The following USH2A variants were observed in gnomAD, a reference collection of about 807,000 sequenced individuals.
USH2A encodes usherin.
In USH2A, 443 loss-of-function variants were observed where a neutral mutation model predicts 538.9. The observed-to-expected ratio is 0.82, with a 90% CI of 0.76 to 0.89. USH2A has a LOEUF of 0.89. Among genes scored for constraint, USH2A ranks in the 40% least tolerant of loss-of-function variants. The pLI, the probability that USH2A is intolerant of heterozygous loss-of-function variation, is 0.00. For synonymous variants in USH2A, 2,413 were observed against 2,273.5 expected (o/e 1.06, Z -1.75); for missense variants, 6,633 against 6,324.8 (o/e 1.05, Z -1.65).
intron 61 of USH2A, among the ~76,000 whole-genome samples, chr1:215,702,923 C>T (rs183942291): frequency 1.2e-4 from 18 of 152,162 alleles, no homozygotes; most frequent in Non-Finnish European, 2.4e-4. Flanking sequence ...CCTTTTTGCG[C>T]TGGTTTACTC....
At chr1:216,303,962 A>C (rs1009504562) in intron 9 of USH2A, among the ~76,000 whole-genome samples, 15 of 152,100 alleles carry the variant, frequency 9.9e-5, no homozygotes, top group African/African-American at 3.6e-4. Flanking sequence ...TTCCATTGTG[A>C]ATAGAGTCAC....
chr1:216,331,615 T>C (rs1293475994), intron 4 of USH2A, among the ~76,000 whole-genome samples: 1 of 152,172 alleles, frequency 6.6e-6, no homozygotes, highest in Admixed American at 6.5e-5. Context: ...TCCATGACTG[T>C]ACATAAAAGC....
At chr1:215,871,727 A>G (rs1664627338) in intron 43 of USH2A, among the ~76,000 whole-genome samples, 1 of 152,170 alleles carries the variant, frequency 6.6e-6, no homozygotes, top group African/African-American at 2.4e-5. Flanking sequence ...GAGAACATCT[A>G]ATTTATTCAT....
intron 11 of USH2A, among the ~76,000 whole-genome samples, chr1:216,256,249 T>C (rs1558347229): frequency 6.6e-6 from 1 of 151,854 alleles, no homozygotes; most frequent in Non-Finnish European, 1.5e-5. Context: ...GCATTATTAT[T>C]GATATGATTA....
chr1:215,895,517 T>C (rs1454516008), intron 40 of USH2A, among the ~76,000 whole-genome samples: 2 of 152,188 alleles, frequency 1.3e-5, no homozygotes, highest in Non-Finnish European at 1.5e-5. Context: ...TAGATTTCAA[T>C]TGACCTCACA....
At chr1:215,790,985 G>C (rs1661964950) in intron 50 of USH2A, among the ~76,000 whole-genome samples, 1 of 152,170 alleles carries the variant, frequency 6.6e-6, no homozygotes, top group Admixed American at 6.6e-5. Flanking sequence ...GCCGCAGAAA[G>C]ACCTTGTAGA....
chr1:216,007,702 G>A (rs1230763974), intron 32 of USH2A, among the ~76,000 whole-genome samples: 2 of 152,228 alleles, frequency 1.3e-5, no homozygotes, highest in Non-Finnish European at 2.9e-5. Flanking sequence ...GAATGTGGAA[G>A]GGTTGTCTCA....
At chr1:215,900,307 G>C in intron 39 of USH2A, 90 bp from the exon 40 acceptor site, 4 of 1,347,742 alleles carry the variant, frequency 3.0e-6, no homozygotes, top group Non-Finnish European at 4.2e-6. Flanking sequence ...AATTTTAGAG[G>C]ATGTCAACAT....
At chr1:215,692,982 C>A (rs78404718) in intron 61 of USH2A, among the ~76,000 whole-genome samples, 4,488 of 151,438 alleles carry the variant, frequency 0.03, 253 homozygotes, top group East Asian at 0.26. Context: ...TGGCTCATGG[C>A]AACCTCTGTC....
intron 22 of USH2A, among the ~76,000 whole-genome samples, chr1:216,094,966 G>GTT (rs756361978): frequency 6.6e-6 from 1 of 151,816 alleles, no homozygotes. Context: ...GTGTGTGTGT[G>GTT]TGTGTGTGTG....
At position 216,394,720 on chromosome 1, in the gene USH2A, C is replaced by CTTTTTTTTTTTTTTTTTTT. The variant is rs780581599; in HGVS notation, c.651+23793_651+23794insAAAAAAAAAAAAAAAAAAA. ...CTTAAGGCCTAATAACTGGTCCAGT[C>CTTTTTTTTTTTTTTTTTTT]TTTTTTTTTTTTTTTTGAGACAGAG... On this transcript the variant is annotated intron_variant, in intron 3 of 71. Transcript: ENST00000307340. Among the ~76,000 whole-genome samples, 78 of 120,318 alleles carry CTTTTTTTTTTTTTTTTTTT rather than the reference C, an allele frequency of 6.5e-4. 19 individuals carry two copies. Among genetic ancestry groups the CTTTTTTTTTTTTTTTTTTT allele is most frequent in the South Asian group, 9.2e-4 (3 of 3,266 alleles). 78.9% of individuals were successfully genotyped at this position (120,318 alleles called of 152,430 possible). A position where few individuals can be genotyped will look rare whatever the true frequency, so the allele number is the denominator to read the frequency against.
intron 47 of USH2A, among the ~76,000 whole-genome samples, chr1:215,836,530 A>ATATATAT (rs1307811948): frequency 7.5e-5 from 2 of 26,494 alleles, no homozygotes; most frequent in African/African-American, 2.7e-4. Context: ...TATATATTAT[A>ATATATAT]TATATATATA....
intron 64 of USH2A, among the ~76,000 whole-genome samples, chr1:215,658,177 C>T (rs761770004): frequency 1.1e-4 from 17 of 151,800 alleles, no homozygotes; most frequent in South Asian, 2.1e-4. Context: ...CCTCGTGATC[C>T]GCCCGCCTTG....
intron 61 of USH2A, among the ~76,000 whole-genome samples, chr1:215,717,370 C>T (rs1312979120): frequency 2.0e-5 from 3 of 152,122 alleles, no homozygotes; most frequent in Admixed American, 6.6e-5. Context: ...GACAACATGA[C>T]TAAGAATCAT....
chr1:215,915,983 A>G (rs980209588), intron 38 of USH2A, among the ~76,000 whole-genome samples: 1 of 145,074 alleles, frequency 6.9e-6, no homozygotes, highest in African/African-American at 2.6e-5. Context: ...TGGGAACTGA[A>G]CAATGAGAAC....
intron 64 of USH2A, among the ~76,000 whole-genome samples, chr1:215,663,078 G>A (rs1657494129): frequency 6.6e-6 from 1 of 152,280 alleles, no homozygotes; most frequent in South Asian, 2.1e-4. Flanking sequence ...AGGATGAGGA[G>A]GGTTGAACTT....
chr1:216,195,093 A>T (rs936096046), intron 19 of USH2A, among the ~76,000 whole-genome samples: 1 of 152,126 alleles, frequency 6.6e-6, no homozygotes, highest in African/African-American at 2.4e-5. Flanking sequence ...TTCAGTAAAA[A>T]CAGAACATCT....
intron 10 of USH2A, 89 bp from the exon 11 acceptor site, chr1:216,289,499 GAATTCT>G: frequency 6.3e-7 from 1 of 1,582,304 alleles, no homozygotes; most frequent in Non-Finnish European, 8.7e-7. Context: ...TCCTTTGAGG[GAATTCT>G]ATAATTTTCG....
intron 21 of USH2A, among the ~76,000 whole-genome samples, chr1:216,148,137 C>G (rs2033751548): frequency 6.6e-6 from 1 of 152,004 alleles, no homozygotes; most frequent in South Asian, 2.1e-4. Context: ...GCTACCCACT[C>G]CACATTACCC....
Sources: allele counts gnomAD v4.1 joint callset (sites outside exome capture counted in the v4.1 genomes callset), GRCh38; gene constraint gnomAD v4.1.1; transcripts MANE v1.5; gene names NCBI Gene and HGNC (gene_info 2026-07-23, HGNC 2026-07-21).